The following DEPTOR variants were observed in gnomAD, a reference collection of about 807,000 sequenced individuals.
The protein encoded by DEPTOR is DEP domain containing MTOR interacting protein, also known as DEP domain-containing mTOR-interacting protein.
A neutral mutation model predicts 41.6 loss-of-function variants in DEPTOR; 41 were observed. The ratio of observed to expected loss-of-function variants is 0.98; its 90% confidence interval spans 0.77 to 1.28. The LOEUF is 1.28. DEPTOR is among the 50% of genes most tolerant of loss of function. DEPTOR has a pLI of 0.00. For missense variants in DEPTOR, 514 were observed against 527.9 expected (o/e 0.97, Z 0.26); for synonymous variants, 195 against 192.3 (o/e 1.01, Z -0.12).
rs577640198 is a variant in DEPTOR at position 119,875,724 on chromosome 8, C to A, written c.122+1756C>A. Among the ~76,000 whole-genome samples the A allele has an allele frequency of 5.9e-5, 9 of 152,192 alleles. No homozygotes were observed. The East Asian group carries it at 1.5e-3, about 26-fold the overall frequency. ...TGCAGGGGAATAGTGAAAAAGGCAT[C>A]TTTAAGATCAAGAATGGAATAGTGA... On this transcript the variant is annotated intron_variant, in intron 1 of 8. Transcript: ENST00000286234.
At chr8:119,930,817 C>T (rs1828033502) in intron 3 of DEPTOR, among the ~76,000 whole-genome samples, 1 of 152,148 alleles carries the variant, frequency 6.6e-6, no homozygotes, top group Admixed American at 6.6e-5. Flanking sequence ...CTGCCTTCCT[C>T]ATTTAGTTTT....
At chr8:119,941,550 T>A (rs895692833) in intron 3 of DEPTOR, among the ~76,000 whole-genome samples, 5 of 152,104 alleles carry the variant, frequency 3.3e-5, no homozygotes, top group Admixed American at 3.3e-4. Flanking sequence ...CAAAATGATA[T>A]CTAAACAGTT....
intron 1 of DEPTOR, among the ~76,000 whole-genome samples, chr8:119,921,233 T>C (rs985550337): frequency 6.6e-6 from 1 of 152,202 alleles, no homozygotes; most frequent in Admixed American, 6.5e-5. Context: ...AGCCTCGGCC[T>C]CCCAAAGTGC....
chr8:119,924,293 G>T (rs1164404836), intron 1 of DEPTOR, among the ~76,000 whole-genome samples: 3 of 152,124 alleles, frequency 2.0e-5, no homozygotes, highest in Non-Finnish European at 4.4e-5. Context: ...GAGTTTGGGA[G>T]GCTTCACTGT....
rs1473713531 is a variant in DEPTOR, at chr8:119,980,495, TTTCTTTTC to T, written c.604+15088_604+15095del. On this transcript the variant is annotated intron_variant, in intron 4 of 8. Transcript: ENST00000286234. The stretch of plus-strand genomic sequence containing the variant: ...TTTCTTTTCTTTTCTTTTCTTTTCT[TTTCTTTTC>T]TTTTCTTTTCTCTCTTTGTGTTTTT... Among the ~76,000 whole-genome samples the T allele has an allele frequency of 1.0e-4, 14 of 138,580 alleles. 1 individual carries two copies. Among genetic ancestry groups the T allele is most frequent in the Non-Finnish European group, 1.5e-4 (10 of 66,574 alleles). The allele number at this position is 138,580 out of a possible 152,430, so 90.9% of individuals were successfully genotyped here.
intron 1 of DEPTOR, among the ~76,000 whole-genome samples, chr8:119,879,280 G>C (rs1827267687): frequency 1.3e-5 from 2 of 152,168 alleles, no homozygotes; most frequent in Admixed American, 6.5e-5. Context: ...AAAATATTTG[G>C]CAGCTCCTCA....
chr8:120,025,258 C>T (rs1563595834), intron 8 of DEPTOR, among the ~76,000 whole-genome samples: 1 of 152,176 alleles, frequency 6.6e-6, no homozygotes, highest in African/African-American at 2.4e-5. Flanking sequence ...CATATTTGGA[C>T]ATTTCACTCA....
chr8:120,028,946 G>A (rs371339578), intron 8 of DEPTOR, among the ~76,000 whole-genome samples: 4 of 151,860 alleles, frequency 2.6e-5, no homozygotes, highest in Non-Finnish European at 5.9e-5. Context: ...CTAGCCAGAC[G>A]TGATGGCATG....
chr8:119,973,475 A>T lies in DEPTOR; in HGVS notation c.604+8065A>T, dbSNP rs568953043. ...GGTCTTGAACTTCTGGGCTCAAGCG[A>T]TCCTCCAGCCTTGGCCTCCCAAAGT... On this transcript the variant is annotated intron_variant, in intron 4 of 8. Transcript: ENST00000286234. 8.5e-5 allele frequency among the ~76,000 whole-genome samples: 13 copies of T among 152,238 alleles called. No homozygotes were observed. In the South Asian group the frequency reaches 2.5e-3, roughly 29 times the overall value.
At chr8:120,048,397 C>T (rs958669683) in intron 8 of DEPTOR, among the ~76,000 whole-genome samples, 2 of 152,134 alleles carry the variant, frequency 1.3e-5, no homozygotes, top group African/African-American at 2.4e-5. Context: ...TGGCCTAGTT[C>T]AGGATAGATT....
At chr8:119,901,345 A>G (rs1827587444) in intron 1 of DEPTOR, among the ~76,000 whole-genome samples, 3 of 152,148 alleles carry the variant, frequency 2.0e-5, no homozygotes, top group African/African-American at 7.2e-5. Flanking sequence ...GCACAAACAT[A>G]TTAATATTTT....
intron 3 of DEPTOR, among the ~76,000 whole-genome samples, chr8:119,957,312 T>G (rs1828430039): frequency 1.3e-5 from 2 of 152,294 alleles, no homozygotes; most frequent in Middle Eastern, 6.8e-3. Flanking sequence ...GTGAACCACA[T>G]AGACAGGGAC....
chr8:120,040,974 A>C (rs546821512), intron 8 of DEPTOR, among the ~76,000 whole-genome samples: 1 of 152,230 alleles, frequency 6.6e-6, no homozygotes, highest in African/African-American at 2.4e-5. Flanking sequence ...GTCATTTTCC[A>C]CATCTATTTG....
chr8:119,944,540 C>T (rs927825111), intron 3 of DEPTOR, among the ~76,000 whole-genome samples: 1 of 151,986 alleles, frequency 6.6e-6, no homozygotes, highest in Non-Finnish European at 1.5e-5. Flanking sequence ...TATAAGCTCT[C>T]TGAGGTCATG....
intron 8 of DEPTOR, among the ~76,000 whole-genome samples, chr8:120,030,284 G>T (rs1334263995): frequency 2.0e-5 from 3 of 151,860 alleles, no homozygotes; most frequent in African/African-American, 7.3e-5. Context: ...CGTTATTTCT[G>T]ATATTGTGGA....
chr8:119,918,938 AGTGTGT>A (rs751715374), intron 1 of DEPTOR, among the ~76,000 whole-genome samples: 6 of 133,556 alleles, frequency 4.5e-5, no homozygotes, highest in African/African-American at 1.4e-4. Context: ...TTGCATAGTG[AGTGTGT>A]GTGTGTGTGT....
intron 1 of DEPTOR, among the ~76,000 whole-genome samples, chr8:119,923,205 T>C (rs2129829180): frequency 6.6e-6 from 1 of 152,268 alleles, no homozygotes; most frequent in Admixed American, 6.5e-5. Flanking sequence ...TCTCCACATC[T>C]ATTAACCTCT....
chr8:120,023,601 G>T (rs1428550530), intron 8 of DEPTOR, among the ~76,000 whole-genome samples: 4 of 152,070 alleles, frequency 2.6e-5, no homozygotes, highest in Non-Finnish European at 5.9e-5. Context: ...TATCTGCTGG[G>T]ATGTTACCTA....
At chr8:119,964,135 G>A (rs1204773236) in intron 3 of DEPTOR, among the ~76,000 whole-genome samples, 1 of 152,086 alleles carries the variant, frequency 6.6e-6, no homozygotes, top group African/African-American at 2.4e-5. Context: ...ATGCCACCAC[G>A]ATGGCTCCAG....
Sources: gnomAD v4.1 joint callset for allele counts (sites outside exome capture counted in the v4.1 genomes callset) on GRCh38, gnomAD v4.1.1 for gene constraint, MANE v1.5 for transcripts, NCBI Gene and HGNC (gene_info 2026-07-23, HGNC 2026-07-21) for gene names.